CNTNAP2: variants seen among roughly 807,000 people sequenced by gnomAD.
The protein encoded by CNTNAP2 is contactin-associated protein-like 2.
A neutral mutation model predicts 155.2 loss-of-function variants in CNTNAP2; 98 were observed. The observed-to-expected ratio is 0.63, with a 90% CI of 0.54 to 0.75. The LOEUF (loss-of-function observed/expected upper bound fraction) is 0.75. Among genes scored for constraint, CNTNAP2 ranks in the 30% least tolerant of loss-of-function variants. The pLI, the probability that CNTNAP2 is intolerant of heterozygous loss-of-function variation, is 0.00. For missense variants in CNTNAP2, 1,727 were observed against 1,688.1 expected, an observed-to-expected ratio of 1.02 and a Z score of -0.40; for synonymous variants, 651 against 631.2, an observed-to-expected ratio of 1.03 and a Z score of -0.47.
rs559589529 is a variant in CNTNAP2, at chr7:146,263,476, G to GT, written c.97+146510dup. ...AAATCGTAGAAAAATATAATCTTGG[G>GT]TTTTTTTATCAGAGTAATTCAGCTT... On this transcript the variant is annotated intron_variant, in intron 1 of 23. Coordinates refer to ENST00000361727, the MANE Select transcript of CNTNAP2 (RefSeq NM_014141.6). Among the ~76,000 whole-genome samples, 221 of 152,144 alleles carry GT rather than the reference G, an allele frequency of 1.5e-3. 1 individual carries two copies. Among genetic ancestry groups the GT allele is most frequent in the African/African-American group, 5.2e-3 (215 of 41,498 alleles).
At chr7:146,676,165 AGTTT>A (rs567661521) in intron 1 of CNTNAP2, among the ~76,000 whole-genome samples, 47 of 152,250 alleles carry the variant, frequency 3.1e-4, no homozygotes, top group Non-Finnish European at 4.9e-4. Flanking sequence ...ATCATAAATC[AGTTT>A]GTTTATGATA....
At chr7:146,121,253 C>G (rs1296937307) in intron 1 of CNTNAP2, among the ~76,000 whole-genome samples, 2 of 150,894 alleles carry the variant, frequency 1.3e-5, no homozygotes, top group Non-Finnish European at 3.0e-5. Flanking sequence ...CTCAGCCTCC[C>G]GAGTAGCTGG....
chr7:147,120,340 T>A (rs998940087), intron 5 of CNTNAP2, among the ~76,000 whole-genome samples: 1 of 152,140 alleles, frequency 6.6e-6, no homozygotes, highest in African/African-American at 2.4e-5. Context: ...ATCTTCCCTA[T>A]TGTATATATG....
At chr7:146,811,216 G>A (rs1304393014) in intron 2 of CNTNAP2, among the ~76,000 whole-genome samples, 6 of 152,100 alleles carry the variant, frequency 3.9e-5, no homozygotes, top group African/African-American at 1.4e-4. Context: ...GGTGTTAATT[G>A]TTTGTTCTTA....
chr7:146,363,463 G>T (rs909083902), intron 1 of CNTNAP2, among the ~76,000 whole-genome samples: 1 of 152,158 alleles, frequency 6.6e-6, no homozygotes, highest in Non-Finnish European at 1.5e-5. Flanking sequence ...AGAACACCCA[G>T]GACTGAGCTC....
chr7:147,616,540 C>T (rs1244849387), intron 12 of CNTNAP2, among the ~76,000 whole-genome samples: 1 of 152,046 alleles, frequency 6.6e-6, no homozygotes, highest in Non-Finnish European at 1.5e-5. Flanking sequence ...GCTTCATGGC[C>T]TTTCCATTTG....
Position 146,839,861 on chromosome 7 carries a change from C to G in CNTNAP2, c.359C>G (p.Thr120Arg). 6.2e-7 allele frequency: 1 copy of G among 1,614,092 alleles called. No individual in the cohort carries two copies. The highest frequency in any genetic ancestry group is 1.1e-5 in the South Asian group (1 of 91,084). The stretch of plus-strand genomic sequence containing the variant: ...CAATACCGGATGCTCTACAGCGACA[C>G]AGGGAGAAACTGGAAACCCTATCAT... ...VTQYRMLYSD[T>R]GRNWKPYHQD... is the part of the protein sequence containing the mutation. The change falls in exon 3 of 24, where the codon ACA becomes AGA. Residue 120 changes from threonine (T) to arginine (R), a missense_variant. Physicochemically the swap from Thr to Arg is moderately conservative, Grantham distance 71. Transcript: ENST00000361727.
chr7:146,676,031 T>G (rs1442102665), intron 1 of CNTNAP2, among the ~76,000 whole-genome samples: 1 of 152,194 alleles, frequency 6.6e-6, no homozygotes, highest in African/African-American at 2.4e-5. Context: ...TTCTTTTGGA[T>G]ATAAATTTGC....
At chr7:146,337,593 G>A (rs910270738) in intron 1 of CNTNAP2, among the ~76,000 whole-genome samples, 2 of 151,870 alleles carry the variant, frequency 1.3e-5, no homozygotes, top group Non-Finnish European at 2.9e-5. Flanking sequence ...TGAGTGGCTG[G>A]GACCACTGGA....
intron 1 of CNTNAP2, among the ~76,000 whole-genome samples, chr7:146,607,731 G>A (rs897370785): frequency 1.3e-5 from 2 of 152,048 alleles, no homozygotes; most frequent in Non-Finnish European, 2.9e-5. Context: ...TCCTGCCTCT[G>A]CCGCCCAAAG....
intron 1 of CNTNAP2, among the ~76,000 whole-genome samples, chr7:146,678,965 T>C (rs565770486): frequency 1.3e-5 from 2 of 152,264 alleles, no homozygotes; most frequent in East Asian, 3.9e-4. Context: ...ACTCATCATG[T>C]CACTTTTCAG....
At chr7:147,801,674 A>G (rs1049928230) in intron 13 of CNTNAP2, among the ~76,000 whole-genome samples, 4 of 152,352 alleles carry the variant, frequency 2.6e-5, no homozygotes, top group East Asian at 1.9e-4. Context: ...CCAAGACAGA[A>G]GAATTTATCT....
In CNTNAP2 at chr7:147,779,678, C is replaced by T. The variant is rs1019872739; in HGVS notation, c.2099-123887C>T. 2.6e-5 allele frequency among the ~76,000 whole-genome samples: 4 copies of T among 152,168 alleles called. No homozygotes were observed. The East Asian group carries it at 7.7e-4, about 29-fold the overall frequency. On this transcript the variant is annotated intron_variant, in intron 13 of 23. Transcript: ENST00000361727. Reference sequence around the variant, plus strand: ...GACTTCAAGACCTGTATTTAAATTCCTATAGTATTCTTGGAAAATACTAGA... The same window carrying T: ...GACTTCAAGACCTGTATTTAAATTCTTATAGTATTCTTGGAAAATACTAGA...
chr7:147,242,987 A>ATTTTTTTTTTTTTTTT lies in CNTNAP2; in HGVS notation c.1349-57140_1349-57125dup, dbSNP rs766917054. On this transcript the variant is annotated intron_variant, in intron 8 of 23. Transcript: ENST00000361727. ...TGTTGTATTCCACACTATGCTTTGC[A>ATTTTTTTTTTTTTTTT]TTTTTTTTTTTTTTTTTTTTTTTTT... Among the ~76,000 whole-genome samples the ATTTTTTTTTTTTTTTT allele has an allele frequency of 2.0e-3, 95 of 47,164 alleles. 27 individuals carry two copies. Among genetic ancestry groups the ATTTTTTTTTTTTTTTT allele is most frequent in the East Asian group, 0.016 (17 of 1,050 alleles). The allele number at this position is 47,164 out of a possible 152,430, so 30.9% of individuals were successfully genotyped here.
intron 13 of CNTNAP2, chr7:147,672,691 C>T (rs4383900): frequency 0.016 from 2,502 of 152,286 alleles, 221 homozygotes; most frequent in Admixed American, 0.15. Flanking sequence ...CAAAACATTA[C>T]CTTCCTGCTT....
intron 10 of CNTNAP2, among the ~76,000 whole-genome samples, chr7:147,477,765 A>G (rs1798347958): frequency 1.3e-5 from 2 of 152,200 alleles, no homozygotes; most frequent in Non-Finnish European, 2.9e-5. Context: ...ACTGTATATC[A>G]TCACACAATC....
chr7:146,926,126 A>G (rs1796603907), intron 3 of CNTNAP2, among the ~76,000 whole-genome samples: 1 of 152,156 alleles, frequency 6.6e-6, no homozygotes, highest in Admixed American at 6.6e-5. Context: ...TTTGGATTAC[A>G]ATTCTTTAGT....
At chr7:147,507,756 T>C (rs1798936524) in intron 11 of CNTNAP2, among the ~76,000 whole-genome samples, 2 of 152,046 alleles carry the variant, frequency 1.3e-5, no homozygotes, top group South Asian at 2.1e-4. Context: ...AGTTTCACCA[T>C]GTTAGCCAGG....
chr7:146,837,286 C>G (rs556961220), intron 2 of CNTNAP2, among the ~76,000 whole-genome samples: 1 of 152,026 alleles, frequency 6.6e-6, no homozygotes, highest in South Asian at 2.1e-4. Flanking sequence ...AATTTAGATG[C>G]CTTATATGGC....
Sources: gnomAD v4.1 joint callset for allele counts (sites outside exome capture counted in the v4.1 genomes callset) on GRCh38, gnomAD v4.1.1 for gene constraint, MANE v1.5 for transcripts, NCBI Gene and HGNC (gene_info 2026-07-23, HGNC 2026-07-21) for gene names.